Variants in DCAF8L2 observed in about 807,000 individuals in gnomAD.
The protein encoded by DCAF8L2 is DDB1- and CUL4-associated factor 8-like protein 2.
For synonymous variants in DCAF8L2, 200 were observed against 190.9 expected, an observed-to-expected ratio of 1.05 and a Z score of -0.39; for missense variants, 430 against 490.7, an observed-to-expected ratio of 0.88 and a Z score of 1.17.
chrX:27,501,236 C>T, the DCAF8L2 span, among the ~76,000 whole-genome samples: 8 of 103,065 alleles, frequency 7.8e-5, no homozygotes, highest in Admixed American at 1.1e-4. Context: ...CGTCCTACCT[C>T]CCCCTCCTCC....
chrX:27,588,188 G>A (rs528483180), upstream of DCAF8L2, among the ~76,000 whole-genome samples: 3 of 107,581 alleles, frequency 2.8e-5, no homozygotes, highest in African/African-American at 1.0e-4. Context: ...ATCTATTTTC[G>A]CCATCTTTAT....
At chrX:27,681,413 A>G (rs997486586) in intron 3 of DCAF8L2, among the ~76,000 whole-genome samples, 2 of 111,658 alleles carry the variant, frequency 1.8e-5, no homozygotes, top group Non-Finnish European at 3.8e-5. Context: ...AATGGGTGAC[A>G]AAGTAACCAG....
At chrX:27,602,829 T>TA (rs1486486219) in intron 1 of DCAF8L2, among the ~76,000 whole-genome samples, 1 of 111,704 alleles carries the variant, frequency 9.0e-6, no homozygotes, top group East Asian at 2.8e-4. Flanking sequence ...AACTCTTCAC[T>TA]AAAAAAACAT....
At chrX:27,474,638 T>C in the DCAF8L2 span, among the ~76,000 whole-genome samples, 3 of 112,332 alleles carry the variant, frequency 2.7e-5, no homozygotes, top group African/African-American at 9.7e-5. Context: ...CGTTGTTATT[T>C]AAACATGTTG....
the DCAF8L2 span, among the ~76,000 whole-genome samples, chrX:27,539,245 A>C: frequency 9.0e-6 from 1 of 111,383 alleles, no homozygotes; most frequent in African/African-American, 3.3e-5. Flanking sequence ...ATGTTTTTGC[A>C]TGTGTGTGAT....
rs1443796714 is a variant in DCAF8L2, at chrX:27,640,447, T to C, written c.-220+8447T>C. Among the ~76,000 whole-genome samples the C allele has an allele frequency of 2.7e-5, 3 of 112,374 alleles. No individual in the cohort carries two copies. The East Asian group carries it at 8.4e-4, about 31-fold the overall frequency. On this transcript the variant is annotated intron_variant, in intron 2 of 4. Transcript: ENST00000451261. ...TAAATAAGTATTTTATTCATTTGTA[T>C]TGCTGAGCAGCATTTCACTGTATGG...
chrX:27,647,146 C>A (rs1007175033), intron 2 of DCAF8L2, among the ~76,000 whole-genome samples: 1 of 111,833 alleles, frequency 8.9e-6, no homozygotes, highest in African/African-American at 3.3e-5. Flanking sequence ...ATAGCAAACA[C>A]ATGGAATCAA....
At chrX:27,595,407 C>T (rs1219463786) in intron 1 of DCAF8L2, among the ~76,000 whole-genome samples, 1 of 111,367 alleles carries the variant, frequency 9.0e-6, no homozygotes, top group East Asian at 2.8e-4. Flanking sequence ...TTTAGTCAGA[C>T]TCTAAATTTT....
intron 4 of DCAF8L2, among the ~76,000 whole-genome samples, chrX:27,729,969 T>C (rs1230853386): frequency 9.0e-6 from 1 of 111,704 alleles, no homozygotes; most frequent in Non-Finnish European, 1.9e-5. Context: ...CAGGAATGGA[T>C]CAGTCTCCCT....
At chrX:27,723,213 C>A (rs1482367416) in intron 4 of DCAF8L2, among the ~76,000 whole-genome samples, 1 of 109,688 alleles carries the variant, frequency 9.1e-6, no homozygotes, top group Non-Finnish European at 1.9e-5. Flanking sequence ...AACCAAAAAT[C>A]AAAATCCAGA....
the DCAF8L2 span, among the ~76,000 whole-genome samples, chrX:27,544,910 A>G: frequency 8.9e-6 from 1 of 112,007 alleles, no homozygotes; most frequent in Non-Finnish European, 1.9e-5. Flanking sequence ...GTAATTAGAC[A>G]TATTCGATTT....
chrX:27,481,271 A>C, the DCAF8L2 span, among the ~76,000 whole-genome samples: 2 of 110,626 alleles, frequency 1.8e-5, no homozygotes, highest in South Asian at 7.7e-4. Context: ...CCAGCTACTC[A>C]GGAGGCTGAG....
chrX:27,657,634 C>T (rs1316196260), intron 2 of DCAF8L2, among the ~76,000 whole-genome samples: 2 of 111,790 alleles, frequency 1.8e-5, no homozygotes, highest in African/African-American at 6.5e-5. Context: ...AAAAGTTCTG[C>T]TGAAATAATA....
At chrX:27,536,066 G>A in the DCAF8L2 span, among the ~76,000 whole-genome samples, 2 of 111,206 alleles carry the variant, frequency 1.8e-5, no homozygotes, top group African/African-American at 6.5e-5. Context: ...TTTGTCATTG[G>A]TTTTATGCTA....
chrX:27,702,822 T>G (rs1463102594), intron 3 of DCAF8L2, among the ~76,000 whole-genome samples: 2 of 111,496 alleles, frequency 1.8e-5, no homozygotes, highest in Non-Finnish European at 3.8e-5. Flanking sequence ...TCTTGCCACT[T>G]AAACGCTGTA....
At chrX:27,718,423 C>T (rs1931774184) in intron 4 of DCAF8L2, among the ~76,000 whole-genome samples, 1 of 111,842 alleles carries the variant, frequency 8.9e-6, no homozygotes, top group Non-Finnish European at 1.9e-5. Flanking sequence ...AGGATACTTC[C>T]CCTACTTCTA....
the DCAF8L2 span, among the ~76,000 whole-genome samples, chrX:27,521,742 A>G: frequency 3.4e-4 from 38 of 111,915 alleles, no homozygotes; most frequent in East Asian, 6.4e-3. Context: ...GCTATTTTTC[A>G]CAAAAACCTC....
At chrX:27,473,267 A>G in the DCAF8L2 span, among the ~76,000 whole-genome samples, 1 of 112,364 alleles carries the variant, frequency 8.9e-6, no homozygotes, top group Non-Finnish European at 1.9e-5. Context: ...ATATAAGCAA[A>G]TGCCATCCAC....
chrX:27,668,888 T>C (rs973488658), intron 2 of DCAF8L2, among the ~76,000 whole-genome samples: 1 of 108,377 alleles, frequency 9.2e-6, no homozygotes, highest in Non-Finnish European at 1.9e-5. Flanking sequence ...TGAGCCGGGA[T>C]CGTGCCACTG....
Sources: gnomAD v4.1 joint callset for allele counts (sites outside exome capture counted in the v4.1 genomes callset) on GRCh38, gnomAD v4.1.1 for gene constraint, MANE v1.5 for transcripts, NCBI Gene and HGNC (gene_info 2026-07-23, HGNC 2026-07-21) for gene names.